Variants in ACYP2 observed in about 807,000 individuals in gnomAD.
ACYP2 encodes acylphosphatase 2.
ACYP2 carries 12 observed loss-of-function variants against 11.2 expected under a neutral mutation model. The observed-to-expected ratio is 1.08, with a 90% CI of 0.69 to 1.74. The LOEUF (loss-of-function observed/expected upper bound fraction) is 1.74. Among genes scored for constraint, ACYP2 ranks in the 40% most tolerant of loss-of-function variants. ACYP2 has a pLI of 0.00. For missense variants in ACYP2, 134 were observed against 101.9 expected (o/e 1.31, Z -1.35); for synonymous variants, 43 against 32.2 (o/e 1.33, Z -1.13).
chr2:54,255,094 C>A, intron 6 of ACYP2: 5 of 1,614,100 alleles, frequency 3.1e-6, no homozygotes, highest in Non-Finnish European at 4.2e-6. Flanking sequence ...GTCTGAAAAC[C>A]AGGTGAAGAA....
At chr2:54,200,502 T>C (rs1684709411) in intron 6 of ACYP2, among the ~76,000 whole-genome samples, 2 of 152,208 alleles carry the variant, frequency 1.3e-5, no homozygotes, top group Admixed American at 1.3e-4. Flanking sequence ...TTCATATAAA[T>C]GGTATCATGC....
chr2:54,273,774 A>G (rs1312210471), intron 6 of ACYP2, among the ~76,000 whole-genome samples: 1 of 152,096 alleles, frequency 6.6e-6, no homozygotes, highest in Non-Finnish European at 1.5e-5. Context: ...ACATTTCTAA[A>G]CTTTTATGCC....
intron 6 of ACYP2, among the ~76,000 whole-genome samples, chr2:54,229,715 C>A (rs1045963994): frequency 1.3e-5 from 2 of 152,130 alleles, no homozygotes; most frequent in Admixed American, 6.5e-5. Flanking sequence ...TTTTTCTGTT[C>A]TGTTTAAAGC....
intron 6 of ACYP2, among the ~76,000 whole-genome samples, chr2:54,140,230 G>A (rs1211404398): frequency 6.6e-6 from 1 of 152,162 alleles, no homozygotes; most frequent in Non-Finnish European, 1.5e-5. Flanking sequence ...AAATGATTGT[G>A]TGGAAGTTTT....
chr2:54,095,826 C>A (rs1319273048), intron 4 of ACYP2, among the ~76,000 whole-genome samples: 1 of 103,588 alleles, frequency 9.7e-6, no homozygotes, highest in Admixed American at 8.7e-5. Context: ...GGCGGCTGGC[C>A]GGGCAGAGGG....
chr2:54,106,439 C>G (rs1679165944), intron 4 of ACYP2, among the ~76,000 whole-genome samples: 1 of 152,084 alleles, frequency 6.6e-6, no homozygotes, highest in Non-Finnish European at 1.5e-5. Context: ...AAAAAGCTTC[C>G]TATGTCCACG....
At chr2:54,228,269 ATAG>A (rs769581683) in intron 6 of ACYP2, among the ~76,000 whole-genome samples, 8 of 152,362 alleles carry the variant, frequency 5.3e-5, no homozygotes, top group African/African-American at 1.9e-4. Flanking sequence ...AGGTCTAAAG[ATAG>A]TAGTGCAGTC....
At chr2:54,067,736 C>T (rs1288397217) in intron 4 of ACYP2, among the ~76,000 whole-genome samples, 1 of 152,130 alleles carries the variant, frequency 6.6e-6, no homozygotes, top group Non-Finnish European at 1.5e-5. Context: ...AGATGTCCCA[C>T]ACTTACTAAT....
chr2:53,994,606 A>G (rs1293104082), intron 2 of ACYP2, among the ~76,000 whole-genome samples: 2 of 152,090 alleles, frequency 1.3e-5, no homozygotes, highest in East Asian at 3.9e-4. Context: ...TATCGTGGAA[A>G]TGCTTCAACC....
chr2:54,264,216 G>A (rs745903960), intron 6 of ACYP2, among the ~76,000 whole-genome samples: 3 of 152,160 alleles, frequency 2.0e-5, no homozygotes, highest in Non-Finnish European at 2.9e-5. Context: ...CCTTCTCAGT[G>A]AGTGCTACAG....
intron 6 of ACYP2, among the ~76,000 whole-genome samples, chr2:54,213,103 T>A (rs1180131260): frequency 6.6e-6 from 1 of 152,132 alleles, no homozygotes; most frequent in East Asian, 1.9e-4. Context: ...CCCTCCACCC[T>A]CAAGTGGTCG....
intron 2 of ACYP2, among the ~76,000 whole-genome samples, chr2:54,019,030 C>T (rs890293537): frequency 1.3e-5 from 2 of 151,906 alleles, no homozygotes; most frequent in Non-Finnish European, 2.9e-5. Context: ...CAGGCGTGTG[C>T]CACCATGCTT....
intron 6 of ACYP2, among the ~76,000 whole-genome samples, chr2:54,183,772 T>C (rs1336274052): frequency 6.6e-6 from 1 of 152,210 alleles, no homozygotes; most frequent in Non-Finnish European, 1.5e-5. Flanking sequence ...TTTATGAATG[T>C]ATTTAATCTG....
chr2:54,290,167 G>C (rs886700957), intron 6 of ACYP2, among the ~76,000 whole-genome samples: 1 of 152,012 alleles, frequency 6.6e-6, no homozygotes, highest in South Asian at 2.1e-4. Context: ...GAGCCGGTGG[G>C]TGCCCGGCTG....
At chr2:54,006,492 C>G (rs1159817179) in intron 2 of ACYP2, among the ~76,000 whole-genome samples, 1 of 152,026 alleles carries the variant, frequency 6.6e-6, no homozygotes, top group Non-Finnish European at 1.5e-5. Flanking sequence ...GCTGTGCTGC[C>G]CAGAACTTCT....
intron 2 of ACYP2, among the ~76,000 whole-genome samples, chr2:54,021,620 G>C (rs865958311): frequency 2.0e-5 from 3 of 152,114 alleles, no homozygotes; most frequent in Non-Finnish European, 4.4e-5. Flanking sequence ...GCAAAAGTGG[G>C]GTTCCCAGAA....
intron 6 of ACYP2, among the ~76,000 whole-genome samples, chr2:54,297,438 C>T (rs1396675767): frequency 6.6e-6 from 1 of 152,134 alleles, no homozygotes; most frequent in African/African-American, 2.4e-5. Flanking sequence ...TTCGAGATTA[C>T]AGTGCACTAT....
At chr2:54,230,445 C>T (rs1184235363) in intron 6 of ACYP2, among the ~76,000 whole-genome samples, 1 of 152,146 alleles carries the variant, frequency 6.6e-6, no homozygotes, top group African/African-American at 2.4e-5. Flanking sequence ...CAGCCTCCGC[C>T]TCTTGGGTTC....
rs1681175211 is a variant in ACYP2, at chr2:54,135,571, CT to C, written c.294+103del. 8.0e-6 allele frequency: 7 copies of C among 879,290 alleles called. No individual in the cohort carries two copies. In the Admixed American group the frequency reaches 8.4e-5, roughly 11 times the overall value. 54.5% of individuals were successfully genotyped at this position (879,290 alleles called of 1,614,324 possible). ...CTACTTGGCGCTAGTCTACTGTTTA[CT>C]CCCTGTCCTTGACAGCAAATGAAGA... On this transcript the variant is annotated intron_variant, in intron 5 of 6. Coordinates refer to ENST00000607452, the MANE Select transcript of ACYP2 (RefSeq NM_001320586.2).
Sources: allele counts gnomAD v4.1 joint callset (sites outside exome capture counted in the v4.1 genomes callset), GRCh38; gene constraint gnomAD v4.1.1; transcripts MANE v1.5; gene names NCBI Gene and HGNC (gene_info 2026-07-23, HGNC 2026-07-21).